Variants in TUT4 observed in about 807,000 individuals in gnomAD.
The protein encoded by TUT4 is terminal uridylyl transferase 4.
TUT4 carries 36 observed loss-of-function variants against 192.2 expected under a neutral mutation model. That is an observed-to-expected ratio of 0.19 (90% CI 0.14 to 0.25). The LOEUF is 0.25. TUT4 is among the 10% of genes least tolerant of loss of function. The probability of loss-of-function intolerance (pLI) is 1.00; values close to 1 mark genes in which losing one functional copy is unlikely to be tolerated. For missense variants in TUT4, 1,493 were observed against 1,957.2 expected (o/e 0.76, Z 4.47); for synonymous variants, 618 against 666.0 (o/e 0.93, Z 1.11).
chr1:52,545,949 G>T (rs1375122655), intron 1 of TUT4, among the ~76,000 whole-genome samples: 1 of 136,210 alleles, frequency 7.3e-6, no homozygotes, highest in Non-Finnish European at 1.5e-5. Flanking sequence ...TGGTGAAACT[G>T]CATCTCTACA....
intron 24 of TUT4, among the ~76,000 whole-genome samples, chr1:52,440,403 T>C (rs569557510): frequency 1.3e-5 from 2 of 151,442 alleles, no homozygotes; most frequent in South Asian, 4.2e-4. Context: ...AGTAATAGAT[T>C]ACAGGCATGA....
chr1:52,455,211 G>C (rs548955872), intron 20 of TUT4, among the ~76,000 whole-genome samples: 1 of 152,292 alleles, frequency 6.6e-6, no homozygotes, highest in East Asian at 1.9e-4. Flanking sequence ...TTGAGCTCAG[G>C]AAGTGGAGGT....
At chr1:52,470,867 G>A (rs549149165) in intron 14 of TUT4, among the ~76,000 whole-genome samples, 30 of 152,068 alleles carry the variant, frequency 2.0e-4, no homozygotes, top group Admixed American at 1.8e-3. Flanking sequence ...TGACTCCCAG[G>A]TACTCTGTAA....
At position 52,431,030 on chromosome 1, in the gene TUT4, C is replaced by T. The variant is rs776172053; in HGVS notation, c.4694G>A (p.Gly1565Asp). The change falls in exon 28 of 30, where the codon GGT becomes GAT. Residue 1565 changes from glycine to aspartate, a missense_variant. This residue lies in a region of TUT4 where 351 missense variants were observed against 397.8 expected (regional missense o/e 0.88). Coordinates refer to ENST00000257177, the MANE Select transcript of TUT4 (RefSeq NM_001009881.3). ...AAGGTTACCTGAATTCCCCACTGCACCACTGTTTACCAGGGAATTTGGAGC... is the reference window on the plus strand; with the variant it reads ...AAGGTTACCTGAATTCCCCACTGCATCACTGTTTACCAGGGAATTTGGAGC... ...TVAPNSLVNS[G>D]AVGNSEPGFR... is the part of the protein sequence containing the mutation. The T allele has an allele frequency of 6.3e-7, 1 of 1,594,146 alleles. No homozygotes were observed. The highest frequency in any genetic ancestry group is 8.6e-7 in the Non-Finnish European group (1 of 1,165,278).
At chr1:52,438,656 G>A (rs1654532989) in intron 24 of TUT4, among the ~76,000 whole-genome samples, 1 of 152,178 alleles carries the variant, frequency 6.6e-6, no homozygotes, top group Admixed American at 6.5e-5. Flanking sequence ...CAGGTCATTT[G>A]CCCATAGAAA....
intron 20 of TUT4, among the ~76,000 whole-genome samples, chr1:52,450,040 G>T (rs534834875): frequency 5.3e-4 from 81 of 152,200 alleles, no homozygotes; most frequent in African/African-American, 1.7e-3. Context: ...GTGAAAATTT[G>T]CTTTTACTTA....
intron 2 of TUT4, among the ~76,000 whole-genome samples, chr1:52,519,209 C>T (rs1679545465): frequency 6.6e-6 from 1 of 152,030 alleles, no homozygotes; most frequent in Admixed American, 6.6e-5. Flanking sequence ...GAATGACGTA[C>T]TAATACATGC....
At chr1:52,488,462 A>C (rs961132050) in intron 9 of TUT4, among the ~76,000 whole-genome samples, 1 of 152,214 alleles carries the variant, frequency 6.6e-6, no homozygotes, top group Non-Finnish European at 1.5e-5. Flanking sequence ...AATGCTCAGC[A>C]GTTGCCCAAT....
At chr1:52,456,850 T>C (rs981647292) in intron 20 of TUT4, among the ~76,000 whole-genome samples, 10 of 152,190 alleles carry the variant, frequency 6.6e-5, no homozygotes, top group Admixed American at 2.6e-4. Context: ...TAAATGTTAA[T>C]TGCAAACTAT....
intron 1 of TUT4, among the ~76,000 whole-genome samples, chr1:52,542,355 AT>A (rs1343954805): frequency 7.2e-5 from 11 of 152,224 alleles, no homozygotes; most frequent in Admixed American, 3.3e-4. Context: ...TAAAATGAAA[AT>A]AGTATAAACA....
At position 52,445,838 on chromosome 1, in the gene TUT4, A is replaced by G. The variant is rs766103372; in HGVS notation, c.3771T>C (p.Asn1257=). The G allele has an allele frequency of 5.6e-6, 9 of 1,612,970 alleles. No individual in the cohort carries two copies. The highest frequency in any genetic ancestry group is 6.8e-6 in the Non-Finnish European group (8 of 1,179,516). Residue 1257 remains asparagine, a synonymous_variant, in exon 24 of 30, where the codon AAT becomes AAC. Coordinates refer to ENST00000257177, the MANE Select transcript of TUT4 (RefSeq NM_001009881.3). ...AAGGGGTACCAAAAAGTTTCCTTCC[A>G]TTGATAAATGCTTTCATGATGAAAT... ...MTNFIMKAFI[N]GRKLFGTPFY...
At chr1:52,457,610 C>A (rs183495734) in intron 20 of TUT4, among the ~76,000 whole-genome samples, 66 of 152,302 alleles carry the variant, frequency 4.3e-4, no homozygotes, top group Admixed American at 3.0e-3. Flanking sequence ...CCAACCAAGT[C>A]TGATGCTTGT....
intron 2 of TUT4, among the ~76,000 whole-genome samples, chr1:52,524,210 T>A (rs896544490): frequency 5.3e-5 from 8 of 152,310 alleles, no homozygotes; most frequent in East Asian, 3.9e-4. Flanking sequence ...AGGATTTTTT[T>A]AAAAATCTGA....
At chr1:52,492,606 G>C (rs907444548) in intron 7 of TUT4, among the ~76,000 whole-genome samples, 1 of 152,134 alleles carries the variant, frequency 6.6e-6, no homozygotes, top group Non-Finnish European at 1.5e-5. Context: ...CCAGTAAGTG[G>C]CAGAACTAAA....
intron 14 of TUT4, among the ~76,000 whole-genome samples, chr1:52,468,855 T>A (rs1164855311): frequency 6.6e-6 from 1 of 152,226 alleles, no homozygotes; most frequent in Non-Finnish European, 1.5e-5. Flanking sequence ...TTTTTCCAAA[T>A]AAGTCCATAT....
intron 1 of TUT4, among the ~76,000 whole-genome samples, chr1:52,527,207 C>T (rs1460432849): frequency 1.3e-5 from 2 of 152,156 alleles, no homozygotes; most frequent in African/African-American, 4.8e-5. Flanking sequence ...ACTTTCTCCA[C>T]CTTGAAGTAA....
intron 1 of TUT4, among the ~76,000 whole-genome samples, chr1:52,552,545 G>A (rs1328127891): frequency 6.6e-6 from 1 of 152,240 alleles, no homozygotes; most frequent in Non-Finnish European, 1.5e-5. Context: ...ACACATGACA[G>A]GGAATCGTAA....
At chr1:52,530,680 G>T (rs1040785043) in intron 1 of TUT4, among the ~76,000 whole-genome samples, 2 of 152,054 alleles carry the variant, frequency 1.3e-5, no homozygotes, top group African/African-American at 2.4e-5. Context: ...TCCTAGAAAC[G>T]AAGTTCTCTC....
intron 1 of TUT4, among the ~76,000 whole-genome samples, chr1:52,527,319 G>A (rs531331256): frequency 5.9e-5 from 9 of 152,222 alleles, no homozygotes; most frequent in East Asian, 3.9e-4. Context: ...AGGCCAAGGC[G>A]GGCGGATCAC....
Sources: gnomAD v4.1 joint callset for allele counts (sites outside exome capture counted in the v4.1 genomes callset) on GRCh38, gnomAD v4.1.1 for gene constraint, gnomAD v4.1.1 regional missense constraint, MANE v1.5 for transcripts, NCBI Gene and HGNC (gene_info 2026-07-23, HGNC 2026-07-21) for gene names.